The following FAM169A variants were observed in gnomAD, a reference collection of about 807,000 sequenced individuals.
FAM169A encodes family with sequence similarity 169 member A.
In FAM169A, 24 loss-of-function variants were observed where a neutral mutation model predicts 75.7. That is an observed-to-expected ratio of 0.32 (90% confidence interval 0.23 to 0.45). The LOEUF is 0.45. FAM169A is among the 20% of genes least tolerant of loss of function. FAM169A has a pLI of 1.00. For synonymous variants in FAM169A, 271 were observed against 271.0 expected (o/e 1.00, Z 0.00); for missense variants, 673 against 784.0 (o/e 0.86, Z 1.69).
chr5:74,822,546 G>C (rs1184297483), intron 5 of FAM169A, among the ~76,000 whole-genome samples: 1 of 152,164 alleles, frequency 6.6e-6, no homozygotes, highest in African/African-American at 2.4e-5. Flanking sequence ...CCTTTTGCCA[G>C]AATACTCCCT....
At chr5:74,856,763 A>C (rs1370184805) in intron 1 of FAM169A, among the ~76,000 whole-genome samples, 1 of 151,412 alleles carries the variant, frequency 6.6e-6, no homozygotes, top group Non-Finnish European at 1.5e-5. Context: ...TTTTTCATGG[A>C]TCAGACAGTA....
intron 4 of FAM169A, among the ~76,000 whole-genome samples, chr5:74,835,886 A>G (rs925302251): frequency 6.6e-6 from 1 of 152,202 alleles, no homozygotes; most frequent in African/African-American, 2.4e-5. Context: ...CTCAAAGACT[A>G]TATTTTGATA....
At position 74,833,457 on chromosome 5, in the gene FAM169A, C is replaced by T. The variant is rs182742795; in HGVS notation, c.490+969G>A. Among the ~76,000 whole-genome samples, 219 of 152,190 alleles carry T rather than the reference C, an allele frequency of 1.4e-3. 1 individual carries two copies. The highest frequency in any genetic ancestry group is 4.0e-3 in the Admixed American group (61 of 15,288). On this transcript the variant is annotated intron_variant, in intron 5 of 12. Transcript: ENST00000687041. ...CCCAAAGTATTTACCTAAAGAAAAACCATTTTAAACTGCACATCAGTTTTT... is the reference window on the plus strand; with the variant it reads ...CCCAAAGTATTTACCTAAAGAAAAATCATTTTAAACTGCACATCAGTTTTT...
intron 11 of FAM169A, among the ~76,000 whole-genome samples, chr5:74,793,594 C>A (rs780790927): frequency 1.3e-5 from 2 of 152,104 alleles, no homozygotes; most frequent in African/African-American, 4.8e-5. Context: ...AAAGACTACA[C>A]GTTGGGTACA....
At chr5:74,789,122 G>T (rs1024872758) in intron 11 of FAM169A, among the ~76,000 whole-genome samples, 1 of 152,182 alleles carries the variant, frequency 6.6e-6, no homozygotes, top group East Asian at 1.9e-4. Context: ...CCAGATTTGT[G>T]TCATAACCTT....
At chr5:74,839,752 G>A (rs1676354728) in intron 3 of FAM169A, among the ~76,000 whole-genome samples, 2 of 151,878 alleles carry the variant, frequency 1.3e-5, no homozygotes, top group Admixed American at 6.6e-5. Flanking sequence ...TCAAACTTCT[G>A]ACCTCAGGTG....
At position 74,834,507 on chromosome 5, in the gene FAM169A, G is replaced by A. The variant is rs1332705262; in HGVS notation, c.409C>T (p.Leu137=). The part of the protein sequence containing the change: ...QEMERNEIPF[L]CHSSTDYAKI... ...GCATAATCAGTACTGCTATGACACA[G>A]GAATGGGATCTCATTTCTCTCCATT... Residue 137 remains leucine (L), a synonymous_variant, in exon 5 of 13, where the codon CTG becomes TTG. Transcript: ENST00000687041. 3 of 1,603,966 alleles carry A rather than the reference G, an allele frequency of 1.9e-6. No individual in the cohort carries two copies. Among genetic ancestry groups the A allele is most frequent in the Admixed American group, 1.7e-5 (1 of 58,136 alleles).
chr5:74,836,720 G>A (rs1180780394), intron 4 of FAM169A, among the ~76,000 whole-genome samples: 1 of 152,182 alleles, frequency 6.6e-6, no homozygotes, highest in South Asian at 2.1e-4. Flanking sequence ...GGCCAAGGCA[G>A]GTGGATCACT....
At chr5:74,826,295 A>G (rs1748022986) in intron 5 of FAM169A, among the ~76,000 whole-genome samples, 1 of 152,158 alleles carries the variant, frequency 6.6e-6, no homozygotes. Flanking sequence ...TTTTCACATC[A>G]GTGGCCTTCC....
At chr5:74,814,333 T>G (rs1747361448) in intron 5 of FAM169A, among the ~76,000 whole-genome samples, 1 of 152,130 alleles carries the variant, frequency 6.6e-6, no homozygotes. Context: ...GTCTATAGAC[T>G]CATGCAACTC....
chr5:74,863,131 A>C (rs1355101187), intron 1 of FAM169A, among the ~76,000 whole-genome samples: 1 of 152,168 alleles, frequency 6.6e-6, no homozygotes, highest in Non-Finnish European at 1.5e-5. Flanking sequence ...CAGAGCATGT[A>C]AACGTTAAGG....
intron 1 of FAM169A, among the ~76,000 whole-genome samples, chr5:74,842,767 T>C (rs963236378): frequency 6.6e-6 from 1 of 151,812 alleles, no homozygotes; most frequent in Admixed American, 6.6e-5. Flanking sequence ...ACACTAAAGG[T>C]TTTAACACTA....
chr5:74,857,499 A>C (rs1350508193), intron 1 of FAM169A, among the ~76,000 whole-genome samples: 1 of 135,236 alleles, frequency 7.4e-6, no homozygotes, highest in Non-Finnish European at 1.6e-5. Flanking sequence ...AGGGAGGTAG[A>C]GGCTGCAGTG....
At chr5:74,822,357 G>A (rs1042813208) in intron 5 of FAM169A, among the ~76,000 whole-genome samples, 1 of 152,174 alleles carries the variant, frequency 6.6e-6, no homozygotes, top group South Asian at 2.1e-4. Flanking sequence ...TTGTAACAGT[G>A]ACTGGAAAAT....
intron 5 of FAM169A, among the ~76,000 whole-genome samples, chr5:74,827,605 A>G (rs1748102085): frequency 6.6e-6 from 1 of 152,052 alleles, no homozygotes; most frequent in Non-Finnish European, 1.5e-5. Flanking sequence ...AAAACTAATT[A>G]CTAAGCAAAA....
chr5:74,853,701 A>ATTT (rs34017579), intron 1 of FAM169A, among the ~76,000 whole-genome samples: 77 of 110,164 alleles, frequency 7.0e-4, no homozygotes, highest in Non-Finnish European at 8.2e-4. Context: ...CATCTTCAGA[A>ATTT]TTTTTTTTTT....
At chr5:74,789,783 G>C (rs1328987295) in intron 11 of FAM169A, among the ~76,000 whole-genome samples, 1 of 150,870 alleles carries the variant, frequency 6.6e-6, no homozygotes, top group Non-Finnish European at 1.5e-5. Flanking sequence ...TGGAGCCTTT[G>C]GCAGGCTCCC....
chr5:74,824,982 CT>C (rs1367262014), intron 5 of FAM169A, among the ~76,000 whole-genome samples: 1 of 152,066 alleles, frequency 6.6e-6, no homozygotes, highest in Non-Finnish European at 1.5e-5. Context: ...CCCAACACCC[CT>C]AAATAGTAAT....
chr5:74,839,973 TA>T (rs374128756), intron 3 of FAM169A, 100 bp downstream of exon 3: 456 of 507,080 alleles, frequency 9.0e-4, no homozygotes, highest in Middle Eastern at 5.1e-3. Context: ...TGAAACACTT[TA>T]AAAAAAAAAC....
Sources: allele counts gnomAD v4.1 joint callset (sites outside exome capture counted in the v4.1 genomes callset), GRCh38; gene constraint gnomAD v4.1.1; transcripts MANE v1.5; gene names NCBI Gene and HGNC (gene_info 2026-07-23, HGNC 2026-07-21).